The following SGCZ variants were observed in gnomAD, a reference collection of about 807,000 sequenced individuals.
SGCZ encodes zeta-sarcoglycan.
Under a neutral mutation model 41.3 loss-of-function variants are expected in SGCZ, and 40 were observed. That is an observed-to-expected ratio of 0.97 (90% confidence interval 0.75 to 1.26). SGCZ has a LOEUF of 1.26. Among genes scored for constraint, SGCZ ranks in the 50% most tolerant of loss-of-function variants. The pLI is 0.00. For synonymous variants in SGCZ, 206 were observed against 137.5 expected (o/e 1.50, Z -3.49); for missense variants, 552 against 369.8 (o/e 1.49, Z -4.04).
intron 5 of SGCZ, among the ~76,000 whole-genome samples, chr8:14,121,970 C>T (rs1431092597): frequency 6.6e-6 from 1 of 152,022 alleles, no homozygotes; most frequent in Non-Finnish European, 1.5e-5. Flanking sequence ...ATTATGATGT[C>T]TGAGGTCAGT....
intron 4 of SGCZ, among the ~76,000 whole-genome samples, chr8:14,171,294 T>C (rs1387093203): frequency 3.3e-5 from 5 of 152,030 alleles, no homozygotes; most frequent in African/African-American, 1.2e-4. Flanking sequence ...ACCATGCATT[T>C]TCTGATATTT....
chr8:14,286,954 T>C (rs1443658263), intron 3 of SGCZ, among the ~76,000 whole-genome samples: 1 of 152,034 alleles, frequency 6.6e-6, no homozygotes, highest in Non-Finnish European at 1.5e-5. Flanking sequence ...ATAAGCATTT[T>C]CTTCATTACC....
intron 1 of SGCZ, among the ~76,000 whole-genome samples, chr8:15,098,015 G>C (rs1356441351): frequency 1.3e-5 from 2 of 151,022 alleles, no homozygotes; most frequent in Admixed American, 6.6e-5. Flanking sequence ...TCCTTACCTG[G>C]CTAACCTTGG....
At chr8:14,553,967 G>C (rs908512605) in intron 2 of SGCZ, among the ~76,000 whole-genome samples, 2 of 152,056 alleles carry the variant, frequency 1.3e-5, no homozygotes, top group Non-Finnish European at 2.9e-5. Flanking sequence ...AAGCAGAGTA[G>C]AGAAACTGAA....
chr8:14,843,495 T>A (rs1382161712), intron 1 of SGCZ, among the ~76,000 whole-genome samples: 2 of 152,184 alleles, frequency 1.3e-5, no homozygotes, highest in Non-Finnish European at 2.9e-5. Flanking sequence ...TGCCTGTTCA[T>A]CATTGTCTAT....
chr8:14,921,504 T>C (rs1452309579), intron 1 of SGCZ, among the ~76,000 whole-genome samples: 1 of 151,896 alleles, frequency 6.6e-6, no homozygotes, highest in Non-Finnish European at 1.5e-5. Flanking sequence ...ATAAATGTCA[T>C]CTAATTTTAT....
intron 3 of SGCZ, among the ~76,000 whole-genome samples, chr8:14,293,674 AC>A: frequency 6.6e-6 from 1 of 151,940 alleles, no homozygotes; most frequent in Non-Finnish European, 1.5e-5. Flanking sequence ...TTAATTAACG[AC>A]TGAAATTCAT....
At chr8:14,828,918 C>A (rs1206660969) in intron 1 of SGCZ, among the ~76,000 whole-genome samples, 1 of 152,048 alleles carries the variant, frequency 6.6e-6, no homozygotes, top group African/African-American at 2.4e-5. Context: ...TAGTAGACAT[C>A]CATCTTAACA....
intron 1 of SGCZ, among the ~76,000 whole-genome samples, chr8:14,811,203 C>G (rs996097229): frequency 6.6e-6 from 1 of 151,940 alleles, no homozygotes; most frequent in African/African-American, 2.4e-5. Flanking sequence ...TTGTTGTGTT[C>G]ATTAAAATGA....
At chr8:14,677,661 C>T (rs1348231816) in intron 1 of SGCZ, among the ~76,000 whole-genome samples, 3 of 152,122 alleles carry the variant, frequency 2.0e-5, no homozygotes, top group Non-Finnish European at 4.4e-5. Flanking sequence ...ATACAAGCTA[C>T]TCAGGAGGCT....
intron 2 of SGCZ, among the ~76,000 whole-genome samples, chr8:14,480,527 A>G (rs1801506551): frequency 6.6e-6 from 1 of 151,876 alleles, no homozygotes; most frequent in Non-Finnish European, 1.5e-5. Context: ...CGTTATGCTT[A>G]TAACTACCAC....
chr8:14,309,195 T>C, intron 3 of SGCZ: 1 of 1,485,042 alleles, frequency 6.7e-7, no homozygotes, highest in East Asian at 2.3e-5. Context: ...CAAGCAAACC[T>C]GCTGCGGCTG....
intron 2 of SGCZ, among the ~76,000 whole-genome samples, chr8:14,483,139 G>A (rs537547735): frequency 6.6e-6 from 1 of 152,212 alleles, no homozygotes; most frequent in South Asian, 2.1e-4. Flanking sequence ...TACTCATGAA[G>A]TTCAGGCTTC....
intron 1 of SGCZ, among the ~76,000 whole-genome samples, chr8:14,994,219 G>C (rs1802127444): frequency 6.6e-6 from 1 of 152,126 alleles, no homozygotes; most frequent in African/African-American, 2.4e-5. Context: ...GGCTGTTACA[G>C]AACCATGGGC....
chr8:14,309,170 A>G lies in SGCZ; in HGVS notation c.336+14933T>C, dbSNP rs1801443659. On this transcript the variant is annotated intron_variant, in intron 3 of 7. Transcript: ENST00000382080. The stretch of plus-strand genomic sequence containing the variant: ...GGCACTCTGGTTTTTTAAAAACGAA[A>G]AAAGCAAAACTTGGCAAGCAAACCT... 3 of 1,479,408 alleles carry G rather than the reference A, an allele frequency of 2.0e-6. No homozygotes were observed. In the African/African-American group the frequency reaches 4.2e-5, roughly 21 times the overall value. 91.6% of individuals were successfully genotyped at this position (1,479,408 alleles called of 1,614,324 possible). A position where few individuals can be genotyped will look rare whatever the true frequency, so the allele number is the denominator to read the frequency against.
intron 1 of SGCZ, among the ~76,000 whole-genome samples, chr8:14,634,829 G>A (rs988513076): frequency 1.3e-5 from 2 of 151,850 alleles, no homozygotes; most frequent in Non-Finnish European, 2.9e-5. Flanking sequence ...GGAATTAAAT[G>A]CTGAAAACTG....
At chr8:14,901,778 C>A (rs544445416) in intron 1 of SGCZ, among the ~76,000 whole-genome samples, 1 of 152,166 alleles carries the variant, frequency 6.6e-6, no homozygotes, top group East Asian at 1.9e-4. Context: ...ACAGACTATA[C>A]CAAGAAAATA....
chr8:14,429,733 T>C (rs914338134), intron 2 of SGCZ, among the ~76,000 whole-genome samples: 2 of 152,070 alleles, frequency 1.3e-5, no homozygotes, highest in Non-Finnish European at 2.9e-5. Flanking sequence ...TACCATTTGA[T>C]AGCTGTGTGA....
intron 2 of SGCZ, among the ~76,000 whole-genome samples, chr8:14,471,727 T>G (rs1026714911): frequency 1.3e-5 from 2 of 152,076 alleles, no homozygotes; most frequent in Admixed American, 6.6e-5. Context: ...AATAATAATT[T>G]CCGTGCCCAT....
Sources: allele counts gnomAD v4.1 joint callset (sites outside exome capture counted in the v4.1 genomes callset), GRCh38; gene constraint gnomAD v4.1.1; transcripts MANE v1.5; gene names NCBI Gene and HGNC (gene_info 2026-07-23, HGNC 2026-07-21).